The following OCIAD1 variants were observed in gnomAD, a reference collection of about 807,000 sequenced individuals.
The protein encoded by OCIAD1 is OCIA domain-containing protein 1.
Under a neutral mutation model 38.9 loss-of-function variants are expected in OCIAD1, and 29 were observed. The ratio of observed to expected loss-of-function variants is 0.74; its 90% CI spans 0.55 to 1.02. The LOEUF (loss-of-function observed/expected upper bound fraction) is 1.02. OCIAD1 is among the 50% of genes least tolerant of loss of function. OCIAD1 has a pLI of 0.00. For synonymous variants in OCIAD1, 110 were observed against 92.0 expected, an observed-to-expected ratio of 1.20 and a Z score of -1.12; for missense variants, 288 against 289.6, an observed-to-expected ratio of 0.99 and a Z score of 0.04.
chr4:48,832,470 G>A (rs1777593760), intron 1 of OCIAD1, 150 bp from the exon 2 acceptor site: 2 of 587,014 alleles, frequency 3.4e-6, no homozygotes, highest in Non-Finnish European at 3.1e-6. Flanking sequence ...CTATTTACAT[G>A]TGGAGTACGT....
rs117966833 is a variant in OCIAD1, at chr4:48,820,461, A to T, written c.-102-10116A>T. Among the ~76,000 whole-genome samples the T allele has an allele frequency of 1.9e-4, 29 of 152,348 alleles. No individual in the cohort carries two copies. The East Asian group carries it at 4.6e-3, about 24-fold the overall frequency. On this transcript the variant is annotated intron_variant, in intron 1 of 6. Transcript: ENST00000504654. ...ACAACAGAAAGCTGGAAAGGTCTAA[A>T]ATCAACACACTAACATCACAATTAA...
At position 48,860,983 on chromosome 4, in the gene OCIAD1, G is replaced by T. The variant is rs1780554817; in HGVS notation, c.*221G>T. 1.3e-5 allele frequency: 7 copies of T among 519,446 alleles called. No homozygotes were observed. 32.2% of individuals were successfully genotyped at this position (519,446 alleles called of 1,614,324 possible). A position where few individuals can be genotyped will look rare whatever the true frequency, so the allele number is the denominator to read the frequency against. On this transcript the variant is annotated 3_prime_UTR_variant, in exon 9 of 9. Coordinates refer to ENST00000264312, the MANE Select transcript of OCIAD1 (RefSeq NM_017830.4). ...ACCTTAGGGATTCATTTGAATGATG[G>T]TATTATACCATGATTGTATACAGTT...
intron 1 of OCIAD1, chr4:48,831,659 G>T (rs1238706330): frequency 1.1e-5 from 9 of 790,590 alleles, no homozygotes; most frequent in Non-Finnish European, 1.7e-5. Flanking sequence ...GAAGGATGCC[G>T]TTATGGGAAA....
chr4:48,844,751 C>T (rs1035110646), intron 4 of OCIAD1, among the ~76,000 whole-genome samples: 1 of 152,036 alleles, frequency 6.6e-6, no homozygotes, highest in Non-Finnish European at 1.5e-5. Context: ...CCAGGACCCT[C>T]CAGAGGATAC....
At chr4:48,825,648 G>C (rs1269503030) in intron 1 of OCIAD1, among the ~76,000 whole-genome samples, 1 of 152,164 alleles carries the variant, frequency 6.6e-6, no homozygotes, top group Non-Finnish European at 1.5e-5. Context: ...TGCTGCAAAG[G>C]CTGAGTGAGT....
At chr4:48,820,938 C>G (rs1777187179) in intron 1 of OCIAD1, among the ~76,000 whole-genome samples, 1 of 152,090 alleles carries the variant, frequency 6.6e-6, no homozygotes, top group African/African-American at 2.4e-5. Flanking sequence ...AGCCCAGGAC[C>G]AGACGAATTC....
At chr4:48,843,667 A>T (rs1303572825) in intron 4 of OCIAD1, among the ~76,000 whole-genome samples, 1 of 152,202 alleles carries the variant, frequency 6.6e-6, no homozygotes, top group African/African-American at 2.4e-5. Context: ...TGTCCTTAAG[A>T]CTAAGCTGTT....
chr4:48,825,579 A>C (rs553172979), intron 1 of OCIAD1, among the ~76,000 whole-genome samples: 2 of 152,144 alleles, frequency 1.3e-5, no homozygotes, highest in African/African-American at 4.8e-5. Flanking sequence ...ACCTCAGAGG[A>C]CCCCCAAAGA....
chr4:48,857,633 C>T (rs1780178214), intron 8 of OCIAD1, among the ~76,000 whole-genome samples: 1 of 151,888 alleles, frequency 6.6e-6, no homozygotes, highest in African/African-American at 2.4e-5. Context: ...AATCCTCCTG[C>T]CTCAGCCTCC....
intron 3 of OCIAD1, among the ~76,000 whole-genome samples, chr4:48,841,250 A>G (rs1778499937): frequency 6.6e-6 from 1 of 152,252 alleles, no homozygotes; most frequent in Non-Finnish European, 1.5e-5. Flanking sequence ...GGCTCTTCAT[A>G]GAACGTGTTT....
chr4:48,856,161 T>C (rs1780022609), intron 7 of OCIAD1: 1 of 152,056 alleles, frequency 6.6e-6, no homozygotes, highest in Non-Finnish European at 1.5e-5. Context: ...TGTCAACCAA[T>C]ATTAGGAGTA....
intron 8 of OCIAD1, among the ~76,000 whole-genome samples, chr4:48,859,663 A>G (rs1175305121): frequency 2.6e-5 from 4 of 152,188 alleles, no homozygotes; most frequent in Admixed American, 6.5e-5. Flanking sequence ...TGTGTGCTTT[A>G]TATAATTTAA....
chr4:48,850,112 T>C (rs1579095673), intron 6 of OCIAD1, 30 bp downstream of exon 6: 14 of 1,600,936 alleles, frequency 8.7e-6, no homozygotes, highest in Non-Finnish European at 1.2e-5. Context: ...TTACTTAAGA[T>C]TTTTAATTTT....
intron 1 of OCIAD1, among the ~76,000 whole-genome samples, chr4:48,831,837 C>T (rs1777534587): frequency 6.6e-6 from 1 of 152,130 alleles, no homozygotes; most frequent in Admixed American, 6.5e-5. Flanking sequence ...TATGGAAGGG[C>T]TCAGTTGCTG....
upstream of OCIAD1, among the ~76,000 whole-genome samples, chr4:48,829,332 T>G (rs747794191): frequency 1.4e-4 from 21 of 152,214 alleles, no homozygotes; most frequent in Non-Finnish European, 2.6e-4. Flanking sequence ...ATTTTTTTAT[T>G]TTTGTTTCTT....
rs567428516 is a variant in OCIAD1, at chr4:48,833,097, AAAAATTAGC to A, written c.59-303_59-295del. ...GAAACCCCGTATCTACTAAAATACA[AAAAATTAGC>A]CTGGCGTGGTGATGGGTGCCTGTAA... On this transcript the variant is annotated intron_variant, in intron 2 of 8. Transcript: ENST00000264312. 1.2e-4 allele frequency among the ~76,000 whole-genome samples: 19 copies of A among 152,178 alleles called. No individual in the cohort carries two copies. The South Asian group carries it at 3.7e-3, about 30-fold the overall frequency.
chr4:48,817,049 G>C (rs895137682), intron 1 of OCIAD1, among the ~76,000 whole-genome samples: 1 of 152,170 alleles, frequency 6.6e-6, no homozygotes, highest in South Asian at 2.1e-4. Context: ...CAAGACCAAC[G>C]CAGAAGGTGG....
chr4:48,855,371 T>C (rs1393512855), intron 7 of OCIAD1, among the ~76,000 whole-genome samples: 1 of 152,212 alleles, frequency 6.6e-6, no homozygotes, highest in Non-Finnish European at 1.5e-5. Context: ...TTAATCCCAA[T>C]ATAAGGTTAT....
At chr4:48,807,537 C>G (rs188886841) in intron 1 of OCIAD1, among the ~76,000 whole-genome samples, 6 of 152,128 alleles carry the variant, frequency 3.9e-5, no homozygotes, top group African/African-American at 1.4e-4. Context: ...TAGAACAGTA[C>G]CTGACTCATA....
Sources: gnomAD v4.1 joint callset for allele counts (sites outside exome capture counted in the v4.1 genomes callset) on GRCh38, gnomAD v4.1.1 for gene constraint, MANE v1.5 for transcripts, NCBI Gene and HGNC (gene_info 2026-07-23, HGNC 2026-07-21) for gene names.